The following CPNE8 variants were observed in gnomAD, a reference collection of about 807,000 sequenced individuals.
CPNE8 encodes copine-8.
A neutral mutation model predicts 81.5 loss-of-function variants in CPNE8; 45 were observed. That is an observed-to-expected ratio of 0.55 (90% CI 0.44 to 0.71). CPNE8 has a LOEUF of 0.71. CPNE8 is among the 30% of genes least tolerant of loss of function. The probability of loss-of-function intolerance (pLI) is 0.00; values close to 1 mark genes in which losing one functional copy is unlikely to be tolerated. For synonymous variants in CPNE8, 252 were observed against 226.3 expected, an observed-to-expected ratio of 1.11 and a Z score of -1.02; for missense variants, 594 against 672.1, an observed-to-expected ratio of 0.88 and a Z score of 1.28.
chr12:38,787,763 T>C (rs1190299504), intron 6 of CPNE8, among the ~76,000 whole-genome samples: 1 of 151,274 alleles, frequency 6.6e-6, no homozygotes, highest in Admixed American at 6.6e-5. Context: ...AGACAAGACA[T>C]TACAACTGAT....
At chr12:38,751,574 G>T (rs1202153700) in intron 10 of CPNE8, among the ~76,000 whole-genome samples, 1 of 152,170 alleles carries the variant, frequency 6.6e-6, no homozygotes, top group Non-Finnish European at 1.5e-5. Context: ...GAGTTAGAAA[G>T]CTAGGAATGT....
At chr12:38,699,648 C>T (rs1028941802) in intron 14 of CPNE8, among the ~76,000 whole-genome samples, 31 of 151,882 alleles carry the variant, frequency 2.0e-4, no homozygotes, top group African/African-American at 2.7e-4. Context: ...GGCCGAACCA[C>T]GGTCTATTTC....
chr12:38,896,576 C>A (rs755515195), intron 1 of CPNE8, among the ~76,000 whole-genome samples: 1 of 152,074 alleles, frequency 6.6e-6, no homozygotes, highest in African/African-American at 2.4e-5. Context: ...CTTTATTGAG[C>A]AGATACAAGA....
intron 6 of CPNE8, among the ~76,000 whole-genome samples, chr12:38,827,328 C>T (rs1210307209): frequency 2.0e-5 from 3 of 152,110 alleles, no homozygotes; most frequent in Admixed American, 6.5e-5. Context: ...ATAACAGATG[C>T]TGGTGAGGCT....
upstream of CPNE8, chr12:38,906,657 T>C (rs2137180592): frequency 1.0e-6 from 1 of 967,306 alleles, no homozygotes; most frequent in African/African-American, 1.8e-5. Flanking sequence ...GCAGCAAGAC[T>C]GGTGCCAAGA....
intron 18 of CPNE8, among the ~76,000 whole-genome samples, chr12:38,673,701 T>C (rs553988193): frequency 1.4e-3 from 211 of 152,242 alleles, no homozygotes; most frequent in African/African-American, 4.9e-3. Flanking sequence ...AAAATTTCAC[T>C]CTAACTTCTG....
At chr12:38,743,201 G>T (rs898819484) in intron 10 of CPNE8, among the ~76,000 whole-genome samples, 1 of 151,742 alleles carries the variant, frequency 6.6e-6, no homozygotes, top group Non-Finnish European at 1.5e-5. Flanking sequence ...AGCATTTACT[G>T]AGTATTTCCT....
At chr12:38,851,654 T>G (rs1176243995) in intron 3 of CPNE8, among the ~76,000 whole-genome samples, 4 of 152,200 alleles carry the variant, frequency 2.6e-5, no homozygotes, top group African/African-American at 4.8e-5. Flanking sequence ...CATTTCTGCT[T>G]CTTCTTCTTT....
intron 10 of CPNE8, among the ~76,000 whole-genome samples, chr12:38,755,917 G>C (rs1941447339): frequency 6.6e-6 from 1 of 150,854 alleles, no homozygotes; most frequent in Non-Finnish European, 1.5e-5. Context: ...GCGGGCGCCT[G>C]TAGTCCCAGC....
intron 7 of CPNE8, among the ~76,000 whole-genome samples, chr12:38,772,599 A>T (rs1398259336): frequency 1.3e-5 from 2 of 152,188 alleles, no homozygotes; most frequent in Admixed American, 6.5e-5. Context: ...ACTATCAAAA[A>T]ACAAACGCAA....
intron 1 of CPNE8, among the ~76,000 whole-genome samples, chr12:38,886,911 G>A (rs905850252): frequency 6.6e-6 from 1 of 152,124 alleles, no homozygotes; most frequent in African/African-American, 2.4e-5. Context: ...TGTGGGGTGT[G>A]TGCCCACAGA....
chr12:38,801,077 C>A (rs1942653504), intron 6 of CPNE8, among the ~76,000 whole-genome samples: 2 of 142,206 alleles, frequency 1.4e-5, no homozygotes, highest in South Asian at 2.4e-4. Flanking sequence ...AGTTGGAAAA[C>A]ACTCTGCAGG....
chr12:38,795,858 T>TA (rs1565620138), intron 6 of CPNE8, among the ~76,000 whole-genome samples: 10 of 131,156 alleles, frequency 7.6e-5, no homozygotes, highest in African/African-American at 8.6e-5. Flanking sequence ...TGATGATAGA[T>TA]GGATGGATGG....
At chr12:38,724,761 C>A in intron 12 of CPNE8, 85 bp downstream of exon 12, 2 of 922,568 alleles carry the variant, frequency 2.2e-6, no homozygotes, top group Non-Finnish European at 3.2e-6. Context: ...TTTTTAATTG[C>A]TTCCAGTAGG....
intron 13 of CPNE8, among the ~76,000 whole-genome samples, chr12:38,705,130 T>A (rs1470743326): frequency 6.6e-6 from 1 of 151,780 alleles, no homozygotes; most frequent in Non-Finnish European, 1.5e-5. Context: ...AAAAAGTAAA[T>A]CATCTGAAAA....
At chr12:38,701,643 G>T (rs1939950878) in intron 14 of CPNE8, among the ~76,000 whole-genome samples, 1 of 152,000 alleles carries the variant, frequency 6.6e-6, no homozygotes, top group Non-Finnish European at 1.5e-5. Context: ...GCAGGTGTGT[G>T]CCACCACGTT....
At chr12:38,698,750 CT>C (rs1939858616) in intron 14 of CPNE8, among the ~76,000 whole-genome samples, 1 of 152,150 alleles carries the variant, frequency 6.6e-6, no homozygotes, top group African/African-American at 2.4e-5. Flanking sequence ...TTTCATTGAT[CT>C]GAATAATCAT....
chr12:38,711,715 C>T (rs1486020182), intron 13 of CPNE8, among the ~76,000 whole-genome samples: 3 of 152,020 alleles, frequency 2.0e-5, no homozygotes, highest in African/African-American at 2.4e-5. Flanking sequence ...GTGATCCACC[C>T]GCCTCGGCCT....
chr12:38,863,144 G>T (rs979007161), intron 3 of CPNE8, among the ~76,000 whole-genome samples: 2 of 152,132 alleles, frequency 1.3e-5, no homozygotes, highest in Admixed American at 1.3e-4. Context: ...AGGTAAAAAA[G>T]GGACATCATG....
Sources: gnomAD v4.1 joint callset for allele counts (sites outside exome capture counted in the v4.1 genomes callset) on GRCh38, gnomAD v4.1.1 for gene constraint, MANE v1.5 for transcripts, NCBI Gene and HGNC (gene_info 2026-07-23, HGNC 2026-07-21) for gene names.